PPP6R3: variants seen among roughly 807,000 people sequenced by gnomAD.
The protein encoded by PPP6R3 is serine/threonine-protein phosphatase 6 regulatory subunit 3.
PPP6R3 carries 38 observed loss-of-function variants against 110.7 expected under a neutral mutation model. The ratio of observed to expected loss-of-function variants is 0.34; its 90% CI spans 0.26 to 0.45. The LOEUF (loss-of-function observed/expected upper bound fraction) is 0.45, where lower values mean the gene tolerates loss of function less well. Ranked by LOEUF, PPP6R3 falls within the 20% of genes least tolerant of loss-of-function variation. The probability of loss-of-function intolerance (pLI) is 1.00; values close to 1 mark genes in which losing one functional copy is unlikely to be tolerated. For missense variants in PPP6R3, 870 were observed against 1,062.4 expected (o/e 0.82, Z 2.52); for synonymous variants, 369 against 373.5 (o/e 0.99, Z 0.14).
In PPP6R3 at chr11:68,497,548, A is replaced by ATTTACCACT. The variant is rs61336145; in HGVS notation, c.-157-21945_-157-21944insTTTTACCAC. Among the ~76,000 whole-genome samples the ATTTACCACT allele has an allele frequency of 9.0e-3, 1,354 of 151,048 alleles. 17 individuals are homozygous for ATTTACCACT. The highest frequency in any genetic ancestry group is 0.032 in the African/African-American group (1,297 of 41,014). ...TTTTGTATTTTTTGTAGAAACGGGG[A>ATTTACCACT]TTTACCACGTTGCCCATGCTGGTCT... On this transcript the variant is annotated intron_variant, in intron 1 of 23. Transcript: ENST00000393800.
At chr11:68,584,061 C>G (rs377144791) in intron 15 of PPP6R3, among the ~76,000 whole-genome samples, 32 of 152,316 alleles carry the variant, frequency 2.1e-4, no homozygotes, top group East Asian at 1.7e-3. Flanking sequence ...AATACTCAGA[C>G]AGTTTAGAGT....
intron 2 of PPP6R3, among the ~76,000 whole-genome samples, chr11:68,531,307 T>TTTTTTTTTTTTA (rs1555114423): frequency 7.3e-6 from 1 of 136,952 alleles, no homozygotes; most frequent in Non-Finnish European, 1.6e-5. Context: ...TGAGACTGTG[T>TTTTTTTTTTTTA]TTTATTTATT....
intron 2 of PPP6R3, among the ~76,000 whole-genome samples, chr11:68,533,805 C>T (rs2099254793): frequency 1.3e-5 from 2 of 150,876 alleles, no homozygotes; most frequent in Admixed American, 6.6e-5. Flanking sequence ...TTAAAATCAG[C>T]GTAGTAAACC....
chr11:68,596,349 G>A, intron 19 of PPP6R3, 131 bp downstream of exon 19: 2 of 1,270,374 alleles, frequency 1.6e-6, no homozygotes, highest in Non-Finnish European at 2.2e-6. Flanking sequence ...GTGTTGTCAA[G>A]TGAATTCCTC....
At chr11:68,467,147 T>G (rs2098754239) in intron 1 of PPP6R3, among the ~76,000 whole-genome samples, 1 of 152,256 alleles carries the variant, frequency 6.6e-6, no homozygotes, top group South Asian at 2.1e-4. Flanking sequence ...TGACCTGTTT[T>G]AGATGCATTA....
chr11:68,573,608 TCTTAA>T lies in PPP6R3; in HGVS notation c.1344-497_1344-493del, dbSNP rs549842258. On this transcript the variant is annotated intron_variant, in intron 12 of 23. Transcript: ENST00000393800. Reference sequence around the variant, plus strand: ...TGGCCAAGTCTCACATCAGCTAATATCTTAACTTGAGACATGTCATTGGTAGATAA... The same window carrying T: ...TGGCCAAGTCTCACATCAGCTAATATCTTGAGACATGTCATTGGTAGATAA... Among the ~76,000 whole-genome samples the T allele has an allele frequency of 8.4e-4, 128 of 152,272 alleles. 1 individual carries two copies. The highest frequency in any genetic ancestry group is 3.0e-3 in the African/African-American group (123 of 41,556).
At chr11:68,542,389 G>GTTTTTTTTTTGTTTTTTTTTT (rs1555132282) in intron 3 of PPP6R3, among the ~76,000 whole-genome samples, 17 of 40,188 alleles carry the variant, frequency 4.2e-4, no homozygotes, top group Non-Finnish European at 5.8e-4. Flanking sequence ...AGAAGCTGCT[G>GTTTTTTTTTTGTTTTTTTTTT]TTTTTTTTTT....
intron 23 of PPP6R3, among the ~76,000 whole-genome samples, chr11:68,611,712 T>C (rs1038933437): frequency 5.9e-5 from 9 of 151,972 alleles, no homozygotes; most frequent in Non-Finnish European, 1.3e-4. Flanking sequence ...CAGGGGTCCA[T>C]GTGAGCTGGG....
At chr11:68,534,814 T>C (rs1162797863) in intron 2 of PPP6R3, among the ~76,000 whole-genome samples, 1 of 152,230 alleles carries the variant, frequency 6.6e-6, no homozygotes, top group Non-Finnish European at 1.5e-5. Context: ...ATGAGCTGTA[T>C]TATTCCACCA....
rs184440275 is a variant in PPP6R3, at chr11:68,579,786, A to G, written c.1546-3257A>G. ...CACGTTTTTTATTTGTAGATACACAAATACTTATCACCATGCTCCAGTTGC... is the reference window on the plus strand; with the variant it reads ...CACGTTTTTTATTTGTAGATACACAGATACTTATCACCATGCTCCAGTTGC... On this transcript the variant is annotated intron_variant, in intron 14 of 23. Coordinates refer to ENST00000393800, the MANE Select transcript of PPP6R3 (RefSeq NM_001164161.2). Among the ~76,000 whole-genome samples the G allele has an allele frequency of 3.7e-4, 56 of 152,334 alleles. 1 individual carries two copies. The East Asian group carries it at 0.01, about 28-fold the overall frequency.
At chr11:68,613,038 C>T in intron 23 of PPP6R3, 28 bp from the exon 24 acceptor site, 1 of 1,614,082 alleles carries the variant, frequency 6.2e-7, no homozygotes, top group Non-Finnish European at 8.5e-7. Flanking sequence ...GCTGCAAGTG[C>T]CTCCGATGCC....
chr11:68,548,333 T>A, intron 5 of PPP6R3, 129 bp downstream of exon 5: 1 of 1,194,934 alleles, frequency 8.4e-7, no homozygotes, highest in Non-Finnish European at 1.2e-6. Context: ...GGGGAGCCGG[T>A]AACAGGGTGG....
intron 1 of PPP6R3, among the ~76,000 whole-genome samples, chr11:68,485,998 C>T (rs1422238997): frequency 6.8e-6 from 1 of 147,668 alleles, no homozygotes; most frequent in African/African-American, 2.5e-5. Flanking sequence ...AGTGAAACCA[C>T]TTTCTTAACT....
intron 8 of PPP6R3, among the ~76,000 whole-genome samples, chr11:68,562,427 A>G (rs2099428645): frequency 6.6e-6 from 1 of 152,220 alleles, no homozygotes; most frequent in African/African-American, 2.4e-5. Flanking sequence ...ATTTTTTAGA[A>G]ATCAAGTGAA....
intron 1 of PPP6R3, among the ~76,000 whole-genome samples, chr11:68,480,359 C>A (rs2098897218): frequency 6.6e-6 from 1 of 152,204 alleles, no homozygotes; most frequent in Non-Finnish European, 1.5e-5. Context: ...CATTTGTAGT[C>A]AATGTTCAGC....
chr11:68,568,028 A>C (rs1456338630), intron 10 of PPP6R3, among the ~76,000 whole-genome samples: 2 of 152,264 alleles, frequency 1.3e-5, no homozygotes, highest in Middle Eastern at 3.4e-3. Flanking sequence ...CCAAGATTTG[A>C]ATTCACCCAA....
At chr11:68,589,642 C>T (rs1311628201) in intron 16 of PPP6R3, among the ~76,000 whole-genome samples, 1 of 152,150 alleles carries the variant, frequency 6.6e-6, no homozygotes, top group Non-Finnish European at 1.5e-5. Context: ...ACAGGAGACA[C>T]GGTTATGCCA....
intron 1 of PPP6R3, among the ~76,000 whole-genome samples, chr11:68,483,761 C>T (rs1363447653): frequency 4.6e-5 from 7 of 152,176 alleles, no homozygotes; most frequent in African/African-American, 9.7e-5. Flanking sequence ...GGATTACAGG[C>T]GTGAGCCACT....
At chr11:68,567,292 T>C in intron 10 of PPP6R3, 126 bp downstream of exon 10, 1 of 1,038,698 alleles carries the variant, frequency 9.6e-7, no homozygotes, top group Non-Finnish European at 1.3e-6. Flanking sequence ...ATAAATGGTG[T>C]TTTATGTAGT....
Sources: allele counts gnomAD v4.1 joint callset (sites outside exome capture counted in the v4.1 genomes callset), GRCh38; gene constraint gnomAD v4.1.1; transcripts MANE v1.5; gene names NCBI Gene and HGNC (gene_info 2026-07-23, HGNC 2026-07-21).